SLC25A48: variants seen among roughly 807,000 people sequenced by gnomAD.
SLC25A48 encodes CTC-321K16.1.
SLC25A48 carries 29 observed loss-of-function variants against 32.2 expected under a neutral mutation model. The ratio of observed to expected loss-of-function variants is 0.90; its 90% CI spans 0.67 to 1.23. SLC25A48 has a LOEUF of 1.23. SLC25A48 is among the 50% of genes most tolerant of loss of function. The pLI, the probability that SLC25A48 is intolerant of heterozygous loss-of-function variation, is 0.00. For missense variants in SLC25A48, 399 were observed against 422.7 expected (o/e 0.94, Z 0.49); for synonymous variants, 164 against 172.3 (o/e 0.95, Z 0.38).
At chr5:135,764,833 C>T (rs1053789432) in intron 3 of SLC25A48, among the ~76,000 whole-genome samples, 5 of 149,344 alleles carry the variant, frequency 3.3e-5, no homozygotes, top group South Asian at 2.1e-4. Context: ...TGAGATGGTT[C>T]GCAATATCCA....
intron 4 of SLC25A48, 110 bp downstream of exon 4, chr5:135,852,931 C>T: frequency 2.9e-6 from 4 of 1,402,224 alleles, no homozygotes; most frequent in Non-Finnish European, 3.8e-6. Flanking sequence ...AGGCATCTAC[C>T]TTGTCACCTA....
At chr5:135,751,072 C>T (rs1755760695) in intron 3 of SLC25A48, among the ~76,000 whole-genome samples, 1 of 152,202 alleles carries the variant, frequency 6.6e-6, no homozygotes, top group Non-Finnish European at 1.5e-5. Flanking sequence ...CCATCCAGAT[C>T]CACAGCTGGC....
chr5:135,602,414 C>T (rs1199510248), intron 1 of SLC25A48, among the ~76,000 whole-genome samples: 3 of 152,186 alleles, frequency 2.0e-5, no homozygotes. Flanking sequence ...CCCTAGTCCC[C>T]ATAAATGGGC....
At chr5:135,670,303 A>G (rs1288578727) in intron 3 of SLC25A48, among the ~76,000 whole-genome samples, 1 of 152,148 alleles carries the variant, frequency 6.6e-6, no homozygotes. Context: ...GCATAGAGCT[A>G]GGGGGCTTTC....
chr5:135,888,511 G>C lies in SLC25A48; in HGVS notation c.*487G>C, dbSNP rs1373956599. The C allele has an allele frequency of 5.9e-6, 1 of 169,442 alleles. No homozygotes were observed. The highest frequency in any genetic ancestry group is 1.5e-4 in the East Asian group (1 of 6,552). 10.5% of individuals were successfully genotyped at this position (169,442 alleles called of 1,614,324 possible). A position where few individuals can be genotyped will look rare whatever the true frequency, so the allele number is the denominator to read the frequency against. ...CGTGGATCCTGAGGACAGCGGTAGC[G>C]CCTTCCTCACCGCACGCTGAGTCCA... On this transcript the variant is annotated 3_prime_UTR_variant, in exon 8 of 8. Transcript: ENST00000681962.
chr5:135,666,480 C>T (rs1213305665), intron 3 of SLC25A48, among the ~76,000 whole-genome samples: 1 of 152,152 alleles, frequency 6.6e-6, no homozygotes, highest in Non-Finnish European at 1.5e-5. Flanking sequence ...TCTAATCACT[C>T]CTGGCCTACA....
chr5:135,741,877 G>C (rs1755508537), intron 3 of SLC25A48, among the ~76,000 whole-genome samples: 1 of 152,178 alleles, frequency 6.6e-6, no homozygotes, highest in Non-Finnish European at 1.5e-5. Flanking sequence ...GGTTAATAAG[G>C]AGGAAAAAGA....
rs117210079 is a variant in SLC25A48, at chr5:135,743,273, T to G, written c.-520-69250T>G. On this transcript the variant is annotated intron_variant, in intron 3 of 10. Transcript: ENST00000646290. Reference sequence around the variant, plus strand: ...TTTCAGTAGAGACGGTGTTTCTTTATGTTGGACAGGCTAGTCTGGAACTCC... The same window carrying G: ...TTTCAGTAGAGACGGTGTTTCTTTAGGTTGGACAGGCTAGTCTGGAACTCC... Among the ~76,000 whole-genome samples the G allele has an allele frequency of 7.2e-3, 1,092 of 150,716 alleles. 34 individuals are homozygous for G. The highest frequency in any genetic ancestry group is 0.052 in the Admixed American group (778 of 15,056).
intron 6 of SLC25A48, among the ~76,000 whole-genome samples, chr5:135,876,592 A>C (rs154649): frequency 1.3e-5 from 2 of 151,986 alleles, no homozygotes; most frequent in East Asian, 3.9e-4. Flanking sequence ...AGGATATACT[A>C]TCTCGATGCC....
At chr5:135,833,846 C>A (rs947380790), upstream of SLC25A48, among the ~76,000 whole-genome samples, 3 of 152,186 alleles carry the variant, frequency 2.0e-5, no homozygotes, top group African/African-American at 7.2e-5. Context: ...GTCTGGCTGG[C>A]TGTCGCTTCA....
intron 3 of SLC25A48, among the ~76,000 whole-genome samples, chr5:135,809,828 G>A (rs1246133628): frequency 6.6e-6 from 1 of 152,122 alleles, no homozygotes; most frequent in Non-Finnish European, 1.5e-5. Context: ...GGTACTCCAC[G>A]GTACCAATGG....
At chr5:135,659,208 T>C (rs975791027) in intron 3 of SLC25A48, among the ~76,000 whole-genome samples, 2 of 152,136 alleles carry the variant, frequency 1.3e-5, no homozygotes, top group African/African-American at 4.8e-5. Flanking sequence ...TTAGAAGCAG[T>C]CAGGCCACAT....
intron 1 of SLC25A48, among the ~76,000 whole-genome samples, chr5:135,603,202 A>T (rs1168558864): frequency 6.6e-6 from 1 of 152,188 alleles, no homozygotes; most frequent in Non-Finnish European, 1.5e-5. Flanking sequence ...TGCCAGTCTC[A>T]GTCATACATT....
intron 3 of SLC25A48, among the ~76,000 whole-genome samples, chr5:135,676,017 G>A (rs1200199423): frequency 6.6e-6 from 1 of 151,644 alleles, no homozygotes; most frequent in Non-Finnish European, 1.5e-5. Flanking sequence ...CTTATTTTTG[G>A]TGAACACGAA....
At chr5:135,866,172 A>G (rs1761187997) in intron 4 of SLC25A48, among the ~76,000 whole-genome samples, 1 of 152,194 alleles carries the variant, frequency 6.6e-6, no homozygotes, top group Admixed American at 6.5e-5. Flanking sequence ...TTGAGAAATT[A>G]TGCTGTGTTC....
intron 1 of SLC25A48, among the ~76,000 whole-genome samples, chr5:135,622,026 G>A (rs995234462): frequency 1.3e-5 from 2 of 152,004 alleles, no homozygotes; most frequent in Non-Finnish European, 2.9e-5. Context: ...AAGGGCAAAG[G>A]ACATAAATAA....
chr5:135,683,048 T>A (rs1033754443), intron 3 of SLC25A48, among the ~76,000 whole-genome samples: 3 of 152,222 alleles, frequency 2.0e-5, no homozygotes, highest in African/African-American at 7.2e-5. Flanking sequence ...TGGAGAAGCC[T>A]CTGGAGGGTG....
intron 1 of SLC25A48, among the ~76,000 whole-genome samples, chr5:135,838,366 C>T (rs1212285578): frequency 6.6e-6 from 1 of 152,176 alleles, no homozygotes; most frequent in East Asian, 1.9e-4. Context: ...ATCATAAAAG[C>T]TTGGAAAATT....
At chr5:135,845,648 G>C (rs1036799763) in intron 2 of SLC25A48, among the ~76,000 whole-genome samples, 1 of 152,188 alleles carries the variant, frequency 6.6e-6, no homozygotes, top group Admixed American at 6.5e-5. Context: ...CTGTAAAGTG[G>C]GCAAGTAGCA....
Sources: gnomAD v4.1 joint callset for allele counts (sites outside exome capture counted in the v4.1 genomes callset) on GRCh38, gnomAD v4.1.1 for gene constraint, MANE v1.5 for transcripts, NCBI Gene and HGNC (gene_info 2026-07-23, HGNC 2026-07-21) for gene names.